The following FAM156A variants were observed in gnomAD, a reference collection of about 807,000 sequenced individuals.
The protein encoded by FAM156A is family with sequence similarity 156 member A, also known as protein FAM156A/FAM156B.
chrX:52,989,831 G>C (rs981682894), intron 1 of FAM156A, among the ~76,000 whole-genome samples: 41 of 112,413 alleles, frequency 3.6e-4, no homozygotes, highest in African/African-American at 1.3e-3. Flanking sequence ...AGTATCTTCA[G>C]GATCCAGGCT....
At chrX:52,994,328 A>G (rs1556796217) in intron 1 of FAM156A, among the ~76,000 whole-genome samples, 1 of 109,347 alleles carries the variant, frequency 9.1e-6, no homozygotes, top group Non-Finnish European at 1.9e-5. Context: ...ACAAATTAAA[A>G]CCATTCAGAT....
At chrX:52,993,133 T>C (rs1298126737) in intron 1 of FAM156A, among the ~76,000 whole-genome samples, 1 of 111,508 alleles carries the variant, frequency 9.0e-6, no homozygotes, top group Non-Finnish European at 1.9e-5. Flanking sequence ...CACCTGTCAA[T>C]GAGTGCCACA....
intron 1 of FAM156A, among the ~76,000 whole-genome samples, chrX:52,982,448 C>T (rs782558359): frequency 3.6e-5 from 4 of 111,469 alleles, no homozygotes; most frequent in South Asian, 3.7e-4. Context: ...AGTGAGACTC[C>T]ATCTCAAAAA....
At chrX:52,975,621 C>T (rs1556792006) in intron 1 of FAM156A, among the ~76,000 whole-genome samples, 1 of 111,630 alleles carries the variant, frequency 9.0e-6, no homozygotes, top group African/African-American at 3.3e-5. Context: ...ACTGGGGGAG[C>T]GTTGAGTCTA....
intron 1 of FAM156A, among the ~76,000 whole-genome samples, chrX:52,982,235 C>T (rs191196095): frequency 9.8e-5 from 11 of 112,525 alleles, no homozygotes; most frequent in Admixed American, 2.8e-4. Flanking sequence ...GGGTGGATCA[C>T]TTGATGTCAG....
At position 52,980,856 on chromosome X, in the gene FAM156A, GGAGA is replaced by G. The variant is rs782820340; in HGVS notation, c.-434+14446_-434+14449del. Among the ~76,000 whole-genome samples, 438 of 82,436 alleles carry G rather than the reference GGAGA, an allele frequency of 5.3e-3. 6 individuals carry two copies. The highest frequency in any genetic ancestry group is 0.019 in the African/African-American group (420 of 21,979). 71.6% of individuals were successfully genotyped at this position (82,436 alleles called of 115,157 possible). ...TGTGTGTGTGTGTGTGTGTGTAGAG[GGAGA>G]GAGAGAGAGAGAGGCTGTGGGGGCT... On this transcript the variant is annotated intron_variant, in intron 1 of 4. Coordinates refer to the FAM156A transcript ENST00000610625.
Position 52,994,646 on chromosome X carries a change from A to C in FAM156A, c.-434+660T>G, listed in dbSNP as rs189857205. Among the ~76,000 whole-genome samples, 83 of 110,872 alleles carry C rather than the reference A, an allele frequency of 7.5e-4. 1 individual carries two copies. Among genetic ancestry groups the C allele is most frequent in the African/African-American group, 2.4e-3 (74 of 30,435 alleles). ...GTGCAGACACCTACATAGAGCTCTC[A>C]CACCCAGGGACACAAATGTCCAAAA... On this transcript the variant is annotated intron_variant, in intron 1 of 4. Coordinates refer to the FAM156A transcript ENST00000610625.
chrX:52,988,741 C>T (rs1930486346), intron 1 of FAM156A, among the ~76,000 whole-genome samples: 2 of 112,380 alleles, frequency 1.8e-5, no homozygotes, highest in African/African-American at 3.2e-5. Flanking sequence ...TTATATCTGG[C>T]TTCAGTCACC....
chrX:52,990,531 C>G (rs1930624247), intron 1 of FAM156A, among the ~76,000 whole-genome samples: 2 of 111,184 alleles, frequency 1.8e-5, no homozygotes, highest in Non-Finnish European at 3.8e-5. Context: ...TGCCTGTAAT[C>G]CCAGCATTTT....
At chrX:52,989,463 T>A (rs1220990238) in intron 1 of FAM156A, among the ~76,000 whole-genome samples, 1 of 112,036 alleles carries the variant, frequency 8.9e-6, no homozygotes, top group East Asian at 2.8e-4. Flanking sequence ...TTCATGAGCA[T>A]CCCCTGCATG....
chrX:52,988,262 AGAAAAGAAAAGAAAG>A (rs1255796721), intron 1 of FAM156A, among the ~76,000 whole-genome samples: 23 of 109,507 alleles, frequency 2.1e-4, no homozygotes, highest in South Asian at 1.1e-3. Context: ...AAAAAAGAAA[AGAAAAGAAAAGAAAG>A]GAAAAGAAAA....
intron 1 of FAM156A, among the ~76,000 whole-genome samples, chrX:52,989,628 TTGTC>T (rs1301261583): frequency 8.9e-6 from 1 of 112,367 alleles, no homozygotes; most frequent in Non-Finnish European, 1.9e-5. Context: ...TGTATGGAGA[TTGTC>T]TGCTGCCTCC....
chrX:52,988,356 G>A (rs182278244), intron 1 of FAM156A, among the ~76,000 whole-genome samples: 110 of 109,216 alleles, frequency 1.0e-3, no homozygotes, highest in African/African-American at 3.5e-3. Flanking sequence ...CCATTTCTAT[G>A]ATATCCTGGA....
At chrX:52,982,279 C>T (rs1347675524) in intron 1 of FAM156A, among the ~76,000 whole-genome samples, 2 of 111,735 alleles carry the variant, frequency 1.8e-5, no homozygotes, top group Non-Finnish European at 3.8e-5. Context: ...CATGGTGAAA[C>T]CCCATGTCTA....
intron 1 of FAM156A, among the ~76,000 whole-genome samples, chrX:52,977,799 CA>C (rs1164603577): frequency 2.7e-5 from 3 of 111,476 alleles, no homozygotes; most frequent in Non-Finnish European, 5.7e-5. Flanking sequence ...GAATACTATA[CA>C]AAAAATAAAA....
chrX:52,988,297 CTA>C, intron 1 of FAM156A, among the ~76,000 whole-genome samples: 1 of 110,337 alleles, frequency 9.1e-6, no homozygotes, highest in African/African-American at 3.3e-5. Context: ...AGAAAAGAGA[CTA>C]TGCTGAGTGA....
intron 1 of FAM156A, among the ~76,000 whole-genome samples, chrX:52,984,907 G>T (rs1930166637): frequency 9.2e-6 from 1 of 108,910 alleles, no homozygotes; most frequent in Non-Finnish European, 1.9e-5. Context: ...AAACACAAAA[G>T]CAAAATCACA....
At chrX:52,990,926 C>T (rs782796400) in intron 1 of FAM156A, among the ~76,000 whole-genome samples, 1 of 111,123 alleles carries the variant, frequency 9.0e-6, no homozygotes, top group East Asian at 2.8e-4. Flanking sequence ...GGACTGTGCT[C>T]GGAGCTGGGG....
chrX:52,983,249 T>G (rs1930028193), intron 1 of FAM156A, among the ~76,000 whole-genome samples: 1 of 111,876 alleles, frequency 8.9e-6, no homozygotes, highest in African/African-American at 3.2e-5. Flanking sequence ...TGAGACCGTC[T>G]CAAAATAAAA....
Sources: allele counts gnomAD v4.1 joint callset (sites outside exome capture counted in the v4.1 genomes callset), GRCh38; gene constraint gnomAD v4.1.1; transcripts MANE v1.5; gene names NCBI Gene and HGNC (gene_info 2026-07-23, HGNC 2026-07-21).